SGCG: variants seen among roughly 807,000 people sequenced by gnomAD.
SGCG encodes the protein gamma-sarcoglycan.
Under a neutral mutation model 29.3 loss-of-function variants are expected in SGCG, and 26 were observed. The observed-to-expected ratio is 0.89, with a 90% confidence interval of 0.65 to 1.23. SGCG has a LOEUF of 1.23. SGCG is among the 50% of genes most tolerant of loss of function. The pLI, the probability that SGCG is intolerant of heterozygous loss-of-function variation, is 0.00. For synonymous variants in SGCG, 145 were observed against 129.7 expected (o/e 1.12, Z -0.80); for missense variants, 353 against 356.0 (o/e 0.99, Z 0.07).
chr13:23,222,886 T>C (rs1433975963), intron 2 of SGCG, among the ~76,000 whole-genome samples: 1 of 152,156 alleles, frequency 6.6e-6, no homozygotes, highest in Admixed American at 6.5e-5. Flanking sequence ...GCATTTTTTA[T>C]ATTATTATCT....
At chr13:23,285,241 A>G (rs551766314) in intron 5 of SGCG, among the ~76,000 whole-genome samples, 104 of 152,278 alleles carry the variant, frequency 6.8e-4, no homozygotes, top group African/African-American at 2.4e-3. Flanking sequence ...TGTCCCAGGG[A>G]GATGGGAGTT....
chr13:23,215,892 G>A (rs1190244960), intron 2 of SGCG, among the ~76,000 whole-genome samples: 1 of 151,930 alleles, frequency 6.6e-6, no homozygotes, highest in African/African-American at 2.4e-5. Context: ...ACGGCCAAAT[G>A]TGGAAGACCA....
chr13:23,320,675 C>CA lies in SGCG; in HGVS notation c.619dup (p.Arg207LysfsTer13), dbSNP rs1327904647. The CA allele has an allele frequency of 6.2e-7, 1 of 1,607,600 alleles. No individual in the cohort carries two copies. The highest frequency in any genetic ancestry group is 1.1e-5 in the South Asian group (1 of 90,348). ...ACTCGGAGTCTAAGCATGGATGCCC[C>CA]AAGGGGTGTGCATATTCAAGCTCAC... On this transcript the variant is annotated frameshift_variant, in exon 7 of 8. Coordinates refer to ENST00000218867, the MANE Select transcript of SGCG (RefSeq NM_000231.3). LOFTEE classifies it high-confidence loss of function.
chr13:23,323,937 A>C (rs1883138857), intron 7 of SGCG, among the ~76,000 whole-genome samples: 1 of 152,242 alleles, frequency 6.6e-6, no homozygotes. Context: ...ACATAAAGTC[A>C]AAGTGAGTCA....
intron 2 of SGCG, among the ~76,000 whole-genome samples, chr13:23,213,855 G>C (rs560258991): frequency 6.6e-6 from 1 of 152,116 alleles, no homozygotes; most frequent in Non-Finnish European, 1.5e-5. Context: ...GTAGGCTACC[G>C]AGGCTCAGCC....
upstream of SGCG, among the ~76,000 whole-genome samples, chr13:23,176,801 T>C (rs1192616638): frequency 2.6e-5 from 4 of 152,210 alleles, no homozygotes; most frequent in Non-Finnish European, 5.9e-5. Flanking sequence ...TTGTAGATTC[T>C]TTGTTTCTTC....
chr13:23,215,213 G>T (rs537116000), intron 2 of SGCG, among the ~76,000 whole-genome samples: 1 of 152,070 alleles, frequency 6.6e-6, no homozygotes, highest in African/African-American at 2.4e-5. Flanking sequence ...CTGTCACAGG[G>T]AATATTCTTA....
At chr13:23,177,404 G>A (rs1027351785), upstream of SGCG, among the ~76,000 whole-genome samples, 3 of 152,082 alleles carry the variant, frequency 2.0e-5, no homozygotes, top group African/African-American at 7.2e-5. Context: ...TTGAGGTGAT[G>A]GATATGCTAA....
intron 2 of SGCG, among the ~76,000 whole-genome samples, chr13:23,213,476 C>G (rs1215117246): frequency 2.0e-5 from 3 of 151,512 alleles, no homozygotes; most frequent in Admixed American, 6.6e-5. Context: ...AGTGAGACTC[C>G]GTTTCAAAAA....
chr13:23,169,948 C>T, the SGCG span: 1 of 152,266 alleles, frequency 6.6e-6, no homozygotes, highest in East Asian at 1.9e-4. Flanking sequence ...TTTCTCTGTC[C>T]TCAGCCCTGT....
Position 23,324,705 on chromosome 13 carries a change from C to A in SGCG, c.*164C>A. On this transcript the variant is annotated 3_prime_UTR_variant, in exon 8 of 8. Transcript: ENST00000218867. ...GCCAGTGAAAGTGTTTGGACAAAAACTACATGATCTCAAAATGCACGTGGA... is the reference window on the plus strand; with the variant it reads ...GCCAGTGAAAGTGTTTGGACAAAAAATACATGATCTCAAAATGCACGTGGA... The A allele has an allele frequency of 3.0e-6, 2 of 664,764 alleles. No homozygotes were observed. The highest frequency in any genetic ancestry group is 5.4e-6 in the Non-Finnish European group (2 of 372,614). The allele number at this position is 664,764 out of a possible 1,614,324, so 41.2% of individuals were successfully genotyped here.
At position 23,255,921 on chromosome 13, in the gene SGCG, G is replaced by A. The variant is rs142087393; in HGVS notation, c.385+5204G>A. ...AGCAGCTTACACCATGAACCAAATGGGAAGCTCCCCACAGGAGACAGTGAA... is the reference window on the plus strand; with the variant it reads ...AGCAGCTTACACCATGAACCAAATGAGAAGCTCCCCACAGGAGACAGTGAA... On this transcript the variant is annotated intron_variant, in intron 4 of 7. Coordinates refer to ENST00000218867, the MANE Select transcript of SGCG (RefSeq NM_000231.3). Among the ~76,000 whole-genome samples the A allele has an allele frequency of 3.8e-3, 577 of 152,176 alleles. 5 individuals carry two copies. Among genetic ancestry groups the A allele is most frequent in the African/African-American group, 0.013 (553 of 41,524 alleles).
intron 7 of SGCG, among the ~76,000 whole-genome samples, 160 bp downstream of exon 7, chr13:23,320,920 G>A (rs552460167): frequency 9.2e-4 from 140 of 152,228 alleles, no homozygotes; most frequent in African/African-American, 3.2e-3. Context: ...AGACAATTTA[G>A]CATTGAAAGA....
intron 2 of SGCG, among the ~76,000 whole-genome samples, chr13:23,207,661 A>G (rs1051723527): frequency 1.3e-5 from 2 of 152,210 alleles, no homozygotes; most frequent in Non-Finnish European, 2.9e-5. Flanking sequence ...AAACATCAGA[A>G]CAGACATTTC....
chr13:23,186,548 G>A (rs959471930), intron 1 of SGCG, among the ~76,000 whole-genome samples: 20 of 152,116 alleles, frequency 1.3e-4, no homozygotes, highest in African/African-American at 3.9e-4. Context: ...CCACTTCTAC[G>A]CTCACCATTG....
Position 23,203,894 on chromosome 13 carries a change from G to A in SGCG, c.195+5G>A, listed in dbSNP as rs532463691. The A allele has an allele frequency of 2.3e-5, 36 of 1,582,266 alleles. No individual in the cohort carries two copies. The highest frequency in any genetic ancestry group is 3.0e-5 in the Non-Finnish European group (35 of 1,151,164). ...AAAGTGATGTGGTTTTCTCCAGTAA[G>A]TATCATTATTTTCTGGTAAGCATGT... On this transcript the variant is annotated splice_donor_5th_base_variant and intron_variant, in intron 2 of 7. Transcript: ENST00000218867.
chr13:23,257,709 GAATT>G, intron 4 of SGCG, among the ~76,000 whole-genome samples: 1 of 152,216 alleles, frequency 6.6e-6, no homozygotes, highest in Non-Finnish European at 1.5e-5. Flanking sequence ...AACCCATCTT[GAATT>G]AATTTTCATA....
chr13:23,258,921 T>G (rs1341293097), intron 4 of SGCG, among the ~76,000 whole-genome samples: 1 of 152,178 alleles, frequency 6.6e-6, no homozygotes, highest in African/African-American at 2.4e-5. Context: ...TGGCTAAGCT[T>G]TTTGATGTGC....
At chr13:23,219,827 CTTTTTT>C (rs1184090222) in intron 2 of SGCG, among the ~76,000 whole-genome samples, 2 of 99,232 alleles carry the variant, frequency 2.0e-5, no homozygotes, top group Non-Finnish European at 3.9e-5. Flanking sequence ...ATTTCTTTTC[CTTTTTT>C]TTTTTTTTTT....
Sources: allele counts gnomAD v4.1 joint callset (sites outside exome capture counted in the v4.1 genomes callset), GRCh38; gene constraint gnomAD v4.1.1; transcripts MANE v1.5; gene names NCBI Gene and HGNC (gene_info 2026-07-23, HGNC 2026-07-21).